IL20RB: variants seen among roughly 807,000 people sequenced by gnomAD.
IL20RB encodes interleukin-20 receptor subunit beta.
IL20RB carries 21 observed loss-of-function variants against 33.3 expected under a neutral mutation model. The ratio of observed to expected loss-of-function variants is 0.63; its 90% CI spans 0.45 to 0.91. IL20RB has a LOEUF of 0.91. Ranked by LOEUF, IL20RB falls within the 40% of genes least tolerant of loss-of-function variation. The pLI, the probability that IL20RB is intolerant of heterozygous loss-of-function variation, is 0.00. For missense variants in IL20RB, 345 were observed against 384.8 expected, an observed-to-expected ratio of 0.90 and a Z score of 0.86; for synonymous variants, 147 against 146.8, an observed-to-expected ratio of 1.00 and a Z score of -0.01.
chr3:136,966,168 G>A (rs1249359477), intron 1 of IL20RB, among the ~76,000 whole-genome samples: 1 of 142,638 alleles, frequency 7.0e-6, no homozygotes, highest in African/African-American at 2.8e-5. Context: ...TTTTTTTGTT[G>A]TGTCTCTGCC....
chr3:136,995,658 T>C (rs1474361077), intron 6 of IL20RB, 102 bp downstream of exon 6: 13 of 1,120,420 alleles, frequency 1.2e-5, no homozygotes, highest in Non-Finnish European at 1.7e-5. Context: ...TATCATGAGA[T>C]TATAGGCATC....
chr3:136,996,029 T>C (rs553607781), intron 6 of IL20RB, among the ~76,000 whole-genome samples: 125 of 152,208 alleles, frequency 8.2e-4, no homozygotes, highest in Admixed American at 9.8e-4. Context: ...ATGGACTGTG[T>C]TTTGATTTTG....
chr3:136,958,277 G>A, intron 1 of IL20RB, 76 bp downstream of exon 1: 1 of 858,198 alleles, frequency 1.2e-6, no homozygotes, highest in Non-Finnish European at 2.0e-6. Flanking sequence ...ACTTTCCCAG[G>A]GCCTGGGGTT....
intron 1 of IL20RB, among the ~76,000 whole-genome samples, chr3:136,959,850 C>T (rs574755164): frequency 6.6e-6 from 1 of 152,274 alleles, no homozygotes; most frequent in African/African-American, 2.4e-5. Context: ...GTTTCCCTTC[C>T]TGTGAAATGG....
chr3:137,009,861 G>A lies in IL20RB; in HGVS notation c.826-252G>A, dbSNP rs185117617. Among the ~76,000 whole-genome samples, 7 of 152,038 alleles carry A rather than the reference G, an allele frequency of 4.6e-5. No individual in the cohort carries two copies. The East Asian group carries it at 1.4e-3, about 29-fold the overall frequency. On this transcript the variant is annotated intron_variant, in intron 6 of 6. Coordinates refer to ENST00000329582, the MANE Select transcript of IL20RB (RefSeq NM_144717.4). ...TTTAAGAACCAGAATTACATTCTGG[G>A]TTTTTGTGGGGCAGGGTCTTAGAAT...
intron 5 of IL20RB, among the ~76,000 whole-genome samples, chr3:136,993,330 G>A (rs1942067750): frequency 6.6e-6 from 1 of 152,100 alleles, no homozygotes; most frequent in African/African-American, 2.4e-5. Context: ...CACATAGATG[G>A]GATGATATTG....
chr3:136,972,743 T>A (rs1682359), intron 1 of IL20RB, among the ~76,000 whole-genome samples: 70,585 of 150,088 alleles, frequency 0.47, 16,937 homozygotes, highest in East Asian at 0.7. Flanking sequence ...TGAAGAAAAA[T>A]TTTTTTTTTT....
intron 1 of IL20RB, 63 bp downstream of exon 1, chr3:136,958,264 A>C: frequency 1.0e-6 from 1 of 981,590 alleles, no homozygotes; most frequent in Non-Finnish European, 1.6e-6. Context: ...GAAGGCAAAA[A>C]ATACTTTCCC....
At chr3:136,990,861 A>G (rs937814907) in intron 4 of IL20RB, among the ~76,000 whole-genome samples, 15 of 152,214 alleles carry the variant, frequency 9.9e-5, no homozygotes, top group African/African-American at 3.4e-4. Flanking sequence ...CCACGGTAGG[A>G]TATGGCATTG....
chr3:136,982,357 C>A lies in IL20RB; in HGVS notation c.406+7C>A. 2 of 1,563,270 alleles carry A rather than the reference C, an allele frequency of 1.3e-6. No homozygotes were observed. The highest frequency in any genetic ancestry group is 1.7e-5 in the Admixed American group (1 of 57,914). On this transcript the variant is annotated splice_region_variant and intron_variant, in intron 3 of 6. Transcript: ENST00000329582. ...CCCTTTAATAGAAACTCAAGTAAGG[C>A]ACTTCTCTCCTTACACTCCCACCCC...
chr3:136,969,776 GT>G (rs1310770662), intron 1 of IL20RB, among the ~76,000 whole-genome samples: 1 of 151,494 alleles, frequency 6.6e-6, no homozygotes, highest in African/African-American at 2.4e-5. Flanking sequence ...GTGGTTTGCT[GT>G]TTTTTTTTCC....
At chr3:136,998,393 A>T (rs1347951667) in intron 6 of IL20RB, among the ~76,000 whole-genome samples, 4 of 151,242 alleles carry the variant, frequency 2.6e-5, no homozygotes, top group Non-Finnish European at 5.9e-5. Flanking sequence ...GGTATTTAAA[A>T]TAATCTTTTA....
chr3:136,985,828 C>A (rs998666623), intron 3 of IL20RB, among the ~76,000 whole-genome samples: 1 of 152,102 alleles, frequency 6.6e-6, no homozygotes. Flanking sequence ...TCATGTACAG[C>A]CAGGGTTGAG....
At position 136,992,027 on chromosome 3, in the gene IL20RB, A is replaced by G; in HGVS notation, c.621A>G (p.Thr207=). ...CTGCATACTGTGTGAAGGCCCAGAC[A>G]TTCGTGAAGGCCATTGGGAGGTACA... ...PGAAYCVKAQ[T]FVKAIGRYSA... is the part of the protein sequence containing the mutation. Residue 207 remains threonine, a synonymous_variant, in exon 5 of 7, where the codon ACA becomes ACG. Coordinates refer to ENST00000329582, the MANE Select transcript of IL20RB (RefSeq NM_144717.4). The G allele has an allele frequency of 6.2e-7, 1 of 1,614,208 alleles. No homozygotes were observed. Among genetic ancestry groups the G allele is most frequent in the Middle Eastern group, 1.6e-4 (1 of 6,062 alleles).
intron 6 of IL20RB, among the ~76,000 whole-genome samples, chr3:136,997,120 C>T (rs1180757462): frequency 2.7e-5 from 4 of 150,014 alleles, no homozygotes; most frequent in South Asian, 2.1e-4. Flanking sequence ...TTTTTCGAGA[C>T]GGAGTTTCGC....
intron 1 of IL20RB, among the ~76,000 whole-genome samples, chr3:136,972,151 T>C (rs1461772020): frequency 1.3e-5 from 2 of 152,258 alleles, no homozygotes; most frequent in Non-Finnish European, 2.9e-5. Context: ...GAGAAATGTC[T>C]ACTTATGTCC....
At chr3:137,000,963 C>G (rs1358417701) in intron 6 of IL20RB, among the ~76,000 whole-genome samples, 1 of 152,142 alleles carries the variant, frequency 6.6e-6, no homozygotes, top group East Asian at 1.9e-4. Flanking sequence ...GACCCAGTGC[C>G]TTGTTAGTGA....
At chr3:136,988,404 G>A (rs1289047944) in intron 3 of IL20RB, among the ~76,000 whole-genome samples, 1 of 152,138 alleles carries the variant, frequency 6.6e-6, no homozygotes, top group Non-Finnish European at 1.5e-5. Context: ...GATGATGTTT[G>A]TACTTATGCT....
At chr3:137,008,072 C>A (rs1256522194) in intron 6 of IL20RB, among the ~76,000 whole-genome samples, 2 of 152,160 alleles carry the variant, frequency 1.3e-5, no homozygotes, top group Non-Finnish European at 2.9e-5. Context: ...TGCTTTGGTG[C>A]TGAAGGGTCT....
Sources: allele counts gnomAD v4.1 joint callset (sites outside exome capture counted in the v4.1 genomes callset), GRCh38; gene constraint gnomAD v4.1.1; transcripts MANE v1.5; gene names NCBI Gene and HGNC (gene_info 2026-07-23, HGNC 2026-07-21).